The following CNTNAP2 variants were observed in gnomAD, a reference collection of about 807,000 sequenced individuals.
CNTNAP2 encodes the protein contactin-associated protein-like 2.
Under a neutral mutation model 155.2 loss-of-function variants are expected in CNTNAP2, and 98 were observed. That is an observed-to-expected ratio of 0.63 (90% confidence interval 0.54 to 0.75). CNTNAP2 has a LOEUF of 0.75. Among genes scored for constraint, CNTNAP2 ranks in the 30% least tolerant of loss-of-function variants. The pLI is 0.00. For missense variants in CNTNAP2, 1,727 were observed against 1,688.1 expected, an observed-to-expected ratio of 1.02 and a Z score of -0.40; for synonymous variants, 651 against 631.2, an observed-to-expected ratio of 1.03 and a Z score of -0.47.
At chr7:147,753,881 C>T (rs1376221727) in intron 13 of CNTNAP2, among the ~76,000 whole-genome samples, 1 of 152,060 alleles carries the variant, frequency 6.6e-6, no homozygotes, top group African/African-American at 2.4e-5. Context: ...TAATGGTTAA[C>T]GTGGATTAAT....
intron 3 of CNTNAP2, among the ~76,000 whole-genome samples, chr7:146,952,250 A>C (rs532975813): frequency 5.9e-5 from 9 of 152,160 alleles, no homozygotes; most frequent in Non-Finnish European, 8.8e-5. Context: ...AAAAACTCTC[A>C]ATAAACTAGG....
chr7:146,820,079 G>A (rs765289865), intron 2 of CNTNAP2, among the ~76,000 whole-genome samples: 2 of 152,168 alleles, frequency 1.3e-5, no homozygotes, highest in African/African-American at 2.4e-5. Flanking sequence ...GATATTTCGA[G>A]CAGTGCTCAT....
intron 10 of CNTNAP2, among the ~76,000 whole-genome samples, chr7:147,404,999 A>G (rs1448846265): frequency 6.6e-6 from 1 of 152,226 alleles, no homozygotes; most frequent in Non-Finnish European, 1.5e-5. Context: ...TTAAGATTCA[A>G]CAGCAGCTGT....
intron 3 of CNTNAP2, among the ~76,000 whole-genome samples, chr7:146,999,705 G>A (rs1334430387): frequency 6.6e-6 from 1 of 151,896 alleles, no homozygotes; most frequent in African/African-American, 2.4e-5. Flanking sequence ...ATATCATCCT[G>A]CTCTCTCTTA....
intron 23 of CNTNAP2, among the ~76,000 whole-genome samples, chr7:148,410,064 A>AG (rs1799797421): frequency 9.4e-6 from 1 of 106,118 alleles, no homozygotes; most frequent in African/African-American, 3.1e-5. Flanking sequence ...AAAAAAAAAA[A>AG]AAAAGAAAGA....
At chr7:147,774,090 C>T (rs1400104949) in intron 13 of CNTNAP2, among the ~76,000 whole-genome samples, 2 of 152,094 alleles carry the variant, frequency 1.3e-5, no homozygotes, top group Non-Finnish European at 2.9e-5. Flanking sequence ...TCTAAAATTT[C>T]GACTCCTCCT....
intron 13 of CNTNAP2, among the ~76,000 whole-genome samples, chr7:147,689,816 A>AT (rs1171705978): frequency 1.3e-5 from 2 of 151,704 alleles, no homozygotes; most frequent in East Asian, 1.9e-4. Context: ...CACAGAAAGA[A>AT]TAAAAAAAAA....
In CNTNAP2 at chr7:148,148,796, G is replaced by A. The variant is rs975406843; in HGVS notation, c.2773+1087G>A. On this transcript the variant is annotated intron_variant, in intron 17 of 23. Transcript: ENST00000361727. ...TGATGTCGGCCAACTACAAAACAAAGGTGTGGGTCAATGAGCTTTGAAAGT... is the reference window on the plus strand; with the variant it reads ...TGATGTCGGCCAACTACAAAACAAAAGTGTGGGTCAATGAGCTTTGAAAGT... Among the ~76,000 whole-genome samples, 12 of 152,292 alleles carry A rather than the reference G, an allele frequency of 7.9e-5. No homozygotes were observed. The East Asian group carries it at 2.1e-3, about 27-fold the overall frequency.
At chr7:147,130,771 A>G (rs1182444476) in intron 7 of CNTNAP2, among the ~76,000 whole-genome samples, 2 of 151,960 alleles carry the variant, frequency 1.3e-5, no homozygotes, top group Non-Finnish European at 2.9e-5. Context: ...TTATGCATTG[A>G]CTCCAAAGTC....
intron 10 of CNTNAP2, among the ~76,000 whole-genome samples, chr7:147,426,207 G>C (rs1341676049): frequency 6.6e-6 from 1 of 150,848 alleles, no homozygotes; most frequent in Non-Finnish European, 1.5e-5. Context: ...AAATAAAAAA[G>C]AGCCTAAATA....
chr7:147,455,229 T>A (rs1797900097), intron 10 of CNTNAP2, among the ~76,000 whole-genome samples: 1 of 152,138 alleles, frequency 6.6e-6, no homozygotes, highest in Admixed American at 6.6e-5. Flanking sequence ...CTTCAGCTTT[T>A]TATAGATTGA....
intron 23 of CNTNAP2, 118 bp from the exon 24 acceptor site, chr7:148,415,299 G>GACC (rs1799955269): frequency 9.8e-7 from 1 of 1,017,268 alleles, no homozygotes; most frequent in East Asian, 2.6e-5. Context: ...TGTTGTTTTG[G>GACC]AGGTTGTGTT....
At chr7:147,702,775 C>T (rs1796256064) in intron 13 of CNTNAP2, among the ~76,000 whole-genome samples, 1 of 151,892 alleles carries the variant, frequency 6.6e-6, no homozygotes, top group African/African-American at 2.4e-5. Context: ...CACAGAGGGC[C>T]CCAAGTTCAG....
chr7:148,226,661 T>A (rs1299728068), intron 19 of CNTNAP2, among the ~76,000 whole-genome samples: 3 of 152,202 alleles, frequency 2.0e-5, no homozygotes, highest in African/African-American at 7.2e-5. Context: ...CAAATGAGCA[T>A]GCGCACTACT....
intron 13 of CNTNAP2, among the ~76,000 whole-genome samples, chr7:147,647,797 A>G (rs1795391660): frequency 6.6e-6 from 1 of 152,268 alleles, no homozygotes; most frequent in East Asian, 1.9e-4. Context: ...GTAGGAAGAA[A>G]GAATCAGATT....
At chr7:147,048,139 A>G (rs1429188103) in intron 4 of CNTNAP2, among the ~76,000 whole-genome samples, 1 of 127,692 alleles carries the variant, frequency 7.8e-6, no homozygotes, top group Admixed American at 1.0e-4. Flanking sequence ...CAGTGGCGTG[A>G]TCTCGGCTCA....
At chr7:146,952,727 T>G (rs1797346475) in intron 3 of CNTNAP2, among the ~76,000 whole-genome samples, 1 of 152,078 alleles carries the variant, frequency 6.6e-6, no homozygotes, top group South Asian at 2.1e-4. Flanking sequence ...ACAAGGGATG[T>G]GAAGGACCTC....
chr7:148,382,569 A>G lies in CNTNAP2; in HGVS notation c.3476-1080A>G, dbSNP rs1799090478. Among the ~76,000 whole-genome samples, 6 of 152,200 alleles carry G rather than the reference A, an allele frequency of 3.9e-5. 1 individual carries two copies. The South Asian group carries it at 1.2e-3, about 31-fold the overall frequency. The stretch of plus-strand genomic sequence containing the variant: ...AATAGATAACAGAACGGCTTCAGCA[A>G]AGGGCAAGCAAGCGTAGAGAGATGC... On this transcript the variant is annotated intron_variant, in intron 21 of 23. Coordinates refer to ENST00000361727, the MANE Select transcript of CNTNAP2 (RefSeq NM_014141.6).
chr7:146,750,795 G>A (rs1225516227), intron 1 of CNTNAP2, among the ~76,000 whole-genome samples: 1 of 151,954 alleles, frequency 6.6e-6, no homozygotes, highest in African/African-American at 2.4e-5. Context: ...TAACTATATG[G>A]CTTACTAAAT....
Sources: allele counts gnomAD v4.1 joint callset (sites outside exome capture counted in the v4.1 genomes callset), GRCh38; gene constraint gnomAD v4.1.1; transcripts MANE v1.5; gene names NCBI Gene and HGNC (gene_info 2026-07-23, HGNC 2026-07-21).